Variants in IL1R2 observed in about 807,000 individuals in gnomAD.
IL1R2 encodes the protein interleukin-1 receptor type 2.
IL1R2 carries 46 observed loss-of-function variants against 39.5 expected under a neutral mutation model. The observed-to-expected ratio is 1.16, with a 90% confidence interval of 0.92 to 1.49. The LOEUF (loss-of-function observed/expected upper bound fraction) is 1.49, where lower values mean the gene tolerates loss of function less well. Ranked by LOEUF, IL1R2 falls within the 40% of genes most tolerant of loss-of-function variation. The probability of loss-of-function intolerance (pLI) is 0.00; values close to 1 mark genes in which losing one functional copy is unlikely to be tolerated. For synonymous variants in IL1R2, 207 were observed against 189.6 expected, an observed-to-expected ratio of 1.09 and a Z score of -0.75; for missense variants, 537 against 502.0, an observed-to-expected ratio of 1.07 and a Z score of -0.67.
chr2:102,011,530 T>C (rs1034243100), intron 3 of IL1R2, among the ~76,000 whole-genome samples: 1 of 152,224 alleles, frequency 6.6e-6, no homozygotes, highest in African/African-American at 2.4e-5. Flanking sequence ...CATCTGTGCA[T>C]CTTCGCTGGA....
chr2:102,008,722 T>C, intron 2 of IL1R2, 80 bp downstream of exon 2: 1 of 1,270,434 alleles, frequency 7.9e-7, no homozygotes, highest in Non-Finnish European at 1.2e-6. Context: ...GAAGTTTCCT[T>C]GTCAGAAAGC....
intron 4 of IL1R2, among the ~76,000 whole-genome samples, chr2:102,018,094 TTCTC>T (rs146883065): frequency 4.6e-5 from 7 of 151,194 alleles, no homozygotes; most frequent in Non-Finnish European, 8.9e-5. Context: ...CTAGAATGCA[TTCTC>T]TCTCTCTCTC....
At chr2:102,021,305 C>CTTTTTTTTTTTTTTTT (rs546019141) in intron 5 of IL1R2, among the ~76,000 whole-genome samples, 13 of 122,850 alleles carry the variant, frequency 1.1e-4, no homozygotes, top group East Asian at 2.4e-4. Context: ...CTTTTCTTTT[C>CTTTTTTTTTTTTTTTT]TTTTTTTTTT....
intron 1 of IL1R2, among the ~76,000 whole-genome samples, chr2:102,004,394 C>T (rs948827096): frequency 4.0e-5 from 6 of 151,394 alleles, no homozygotes; most frequent in African/African-American, 7.3e-5. Context: ...CTTCCTTTCA[C>T]ACTTCACACA....
intron 3 of IL1R2, among the ~76,000 whole-genome samples, chr2:102,011,043 G>C (rs538451713): frequency 1.3e-5 from 2 of 152,182 alleles, no homozygotes; most frequent in East Asian, 1.9e-4. Flanking sequence ...TTCAAGGTTC[G>C]TTCATGTTGT....
At chr2:101,995,512 G>A (rs1246172324) in intron 1 of IL1R2, among the ~76,000 whole-genome samples, 2 of 152,212 alleles carry the variant, frequency 1.3e-5, no homozygotes, top group African/African-American at 4.8e-5. Flanking sequence ...TTTCAGTCTG[G>A]TGGGACCCTG....
intron 1 of IL1R2, among the ~76,000 whole-genome samples, chr2:101,999,938 C>T (rs1029799079): frequency 2.0e-5 from 3 of 152,156 alleles, no homozygotes; most frequent in African/African-American, 7.2e-5. Context: ...TAATATGGAT[C>T]TATGAATTTA....
chr2:101,993,987 C>G (rs1330021831), intron 1 of IL1R2, among the ~76,000 whole-genome samples: 1 of 152,256 alleles, frequency 6.6e-6, no homozygotes, highest in Non-Finnish European at 1.5e-5. Flanking sequence ...TTCATCAGCT[C>G]TGCCCTCCCA....
At chr2:102,027,197 G>A (rs1266089194) in intron 8 of IL1R2, among the ~76,000 whole-genome samples, 1 of 152,206 alleles carries the variant, frequency 6.6e-6, no homozygotes, top group Non-Finnish European at 1.5e-5. Flanking sequence ...GACACAAAAA[G>A]CTCCTTTCAC....
At chr2:101,992,280 GGCAGAGAGAC>G (rs1324859767) in intron 1 of IL1R2, among the ~76,000 whole-genome samples, 16 of 144,942 alleles carry the variant, frequency 1.1e-4, no homozygotes, top group African/African-American at 3.8e-4. Flanking sequence ...GAGAGACAGA[GGCAGAGAGAC>G]AGAGACAGAG....
At chr2:102,021,312 T>TTA (rs900667970) in intron 5 of IL1R2, among the ~76,000 whole-genome samples, 4 of 150,714 alleles carry the variant, frequency 2.7e-5, no homozygotes, top group African/African-American at 7.3e-5. Context: ...TTTCTTTTTT[T>TTA]TTTTTTTTTT....
In IL1R2 at chr2:101,996,691, A is replaced by G. The variant is rs543841799; in HGVS notation, c.-62+4680A>G. 2.0e-3 allele frequency among the ~76,000 whole-genome samples: 306 copies of G among 151,560 alleles called. 3 individuals carry two copies. Among genetic ancestry groups the G allele is most frequent in the Middle Eastern group, 3.5e-3 (1 of 286 alleles). ...CATCTTAAAAACTTTGGAAGAAAATATTTCCAAAACATACATATGTATATA... is the reference window on the plus strand; with the variant it reads ...CATCTTAAAAACTTTGGAAGAAAATGTTTCCAAAACATACATATGTATATA... On this transcript the variant is annotated intron_variant, in intron 1 of 8. Coordinates refer to ENST00000332549, the MANE Select transcript of IL1R2 (RefSeq NM_004633.4).
intron 3 of IL1R2, among the ~76,000 whole-genome samples, chr2:102,015,651 A>G (rs1392283524): frequency 6.6e-6 from 1 of 152,220 alleles, no homozygotes; most frequent in Non-Finnish European, 1.5e-5. Flanking sequence ...TTTATTGAAT[A>G]CTATACTGAA....
chr2:102,022,099 C>A, intron 5 of IL1R2, 88 bp from the exon 6 acceptor site: 1 of 1,084,728 alleles, frequency 9.2e-7, no homozygotes, highest in Non-Finnish European at 1.4e-6. Flanking sequence ...GAAAGGATAA[C>A]TTAGTTGATT....
chr2:102,027,937 C>T (rs1032384852), intron 8 of IL1R2, among the ~76,000 whole-genome samples: 8 of 152,150 alleles, frequency 5.3e-5, no homozygotes, highest in Non-Finnish European at 1.0e-4. Context: ...GCATCTTAAA[C>T]GCACAGTGTC....
At chr2:102,008,811 C>T (rs1020700754) in intron 2 of IL1R2, among the ~76,000 whole-genome samples, 169 bp downstream of exon 2, 2 of 143,244 alleles carry the variant, frequency 1.4e-5, no homozygotes, top group African/African-American at 5.3e-5. Context: ...TGCTTGAGCC[C>T]AGGAGTTTGA....
At chr2:102,025,514 C>A (rs1334288753) in intron 7 of IL1R2, among the ~76,000 whole-genome samples, 1 of 152,180 alleles carries the variant, frequency 6.6e-6, no homozygotes, top group Non-Finnish European at 1.5e-5. Context: ...ACAAATAGAA[C>A]AAAAATATTC....
At chr2:102,019,119 T>G (rs1317270472) in intron 4 of IL1R2, among the ~76,000 whole-genome samples, 1 of 152,228 alleles carries the variant, frequency 6.6e-6, no homozygotes, top group Non-Finnish European at 1.5e-5. Flanking sequence ...CCAGAGAACC[T>G]TGTGTCCATA....
intron 1 of IL1R2, among the ~76,000 whole-genome samples, chr2:102,001,116 G>A (rs1057486136): frequency 2.6e-5 from 4 of 152,186 alleles, no homozygotes; most frequent in Non-Finnish European, 5.9e-5. Flanking sequence ...CAGCCTGCTG[G>A]GGGCTTGGAA....
Sources: gnomAD v4.1 joint callset for allele counts (sites outside exome capture counted in the v4.1 genomes callset) on GRCh38, gnomAD v4.1.1 for gene constraint, MANE v1.5 for transcripts, NCBI Gene and HGNC (gene_info 2026-07-23, HGNC 2026-07-21) for gene names.